Variants in ETV1 observed in about 807,000 individuals in gnomAD.
ETV1 encodes the protein ETS variant transcription factor 1, also known as ETS translocation variant 1.
ETV1 carries 27 observed loss-of-function variants against 62.3 expected under a neutral mutation model. That is an observed-to-expected ratio of 0.43 (90% CI 0.32 to 0.60). The LOEUF (loss-of-function observed/expected upper bound fraction) is 0.60, where lower values mean the gene tolerates loss of function less well. Ranked by LOEUF, ETV1 falls within the 20% of genes least tolerant of loss-of-function variation. The pLI is 0.06. For synonymous variants in ETV1, 222 were observed against 199.6 expected (o/e 1.11, Z -0.94); for missense variants, 605 against 605.8 (o/e 1.00, Z 0.01).
rs1215450716 is a variant in ETV1, at chr7:13,956,534, C to T, written c.236-17288G>A. 3.9e-5 allele frequency among the ~76,000 whole-genome samples: 6 copies of T among 152,258 alleles called. No individual in the cohort carries two copies. In the East Asian group the frequency reaches 1.2e-3, roughly 29 times the overall value. On this transcript the variant is annotated intron_variant, in intron 6 of 13. Transcript: ENST00000430479. ...GCAACATTCCAATGTATATTTTTTA[C>T]TTTGACTTGCTAACTGCAAATAAGG... is the stretch of plus-strand genomic sequence containing the variant.
intron 13 of ETV1, among the ~76,000 whole-genome samples, chr7:13,898,216 C>A (rs183320797): frequency 6.9e-4 from 105 of 152,106 alleles, no homozygotes; most frequent in Non-Finnish European, 1.2e-3. Flanking sequence ...TTAAGTATAG[C>A]CAAAATGCAA....
intron 6 of ETV1, among the ~76,000 whole-genome samples, chr7:13,973,664 G>A (rs542938851): frequency 4.6e-5 from 7 of 151,328 alleles, no homozygotes; most frequent in African/African-American, 7.3e-5. Context: ...TAAATTAGGC[G>A]ATTTCAGACT....
At chr7:13,900,642 C>G (rs1274835703) in intron 13 of ETV1, 96 bp downstream of exon 13, 5 of 833,260 alleles carry the variant, frequency 6.0e-6, no homozygotes, top group Non-Finnish European at 9.2e-6. Context: ...GTGAAAAACT[C>G]GCTTCAGCAA....
chr7:13,982,430 T>G (rs1407271636), intron 5 of ETV1, among the ~76,000 whole-genome samples: 2 of 152,064 alleles, frequency 1.3e-5, no homozygotes, highest in African/African-American at 4.8e-5. Flanking sequence ...ATCCTATTTT[T>G]CTATTTTTAA....
intron 6 of ETV1, among the ~76,000 whole-genome samples, chr7:13,973,218 C>T (rs954858171): frequency 1.3e-5 from 2 of 152,080 alleles, no homozygotes; most frequent in Non-Finnish European, 1.5e-5. Flanking sequence ...CTTCATTTAC[C>T]AAAGGACTAA....
At position 13,894,154 on chromosome 7, in the gene ETV1, A is replaced by AT. The variant is rs530800704; in HGVS notation, c.*1711dup. The AT allele has an allele frequency of 0.2, 43,454 of 216,344 alleles. 3,937 individuals carry two copies. The highest frequency in any genetic ancestry group is 0.35 in the African/African-American group (14,951 of 42,288). 13.4% of individuals were successfully genotyped at this position (216,344 alleles called of 1,614,324 possible). A position where few individuals can be genotyped will look rare whatever the true frequency, so the allele number is the denominator to read the frequency against. Reference sequence around the variant, plus strand: ...GGTTTATTTTGACTTTGTGTTTAGAATTTTTTTTTTTTTTTGCTTTTTGCT... The same window carrying AT: ...GGTTTATTTTGACTTTGTGTTTAGAATTTTTTTTTTTTTTTTGCTTTTTGCT... On this transcript the variant is annotated 3_prime_UTR_variant, in exon 14 of 14. Coordinates refer to ENST00000430479, the MANE Select transcript of ETV1 (RefSeq NM_004956.5).
At chr7:13,964,769 A>G (rs1340041990) in intron 6 of ETV1, among the ~76,000 whole-genome samples, 4 of 152,108 alleles carry the variant, frequency 2.6e-5, no homozygotes, top group Non-Finnish European at 5.9e-5. Context: ...TCTGATAAAG[A>G]AAAAAATCAC....
intron 11 of ETV1, among the ~76,000 whole-genome samples, chr7:13,907,448 C>A (rs760596455): frequency 1.3e-5 from 2 of 151,888 alleles, no homozygotes; most frequent in Non-Finnish European, 2.9e-5. Flanking sequence ...ATTTGATATT[C>A]ATATCTAGTG....
At chr7:13,988,282 G>C in intron 3 of ETV1, 109 bp from the exon 4 acceptor site, 1 of 684,946 alleles carries the variant, frequency 1.5e-6, no homozygotes, top group Non-Finnish European at 2.6e-6. Flanking sequence ...AAGTCTAATG[G>C]ATCTTCTCTG....
At chr7:13,954,327 G>A (rs568211337) in intron 6 of ETV1, among the ~76,000 whole-genome samples, 4 of 152,098 alleles carry the variant, frequency 2.6e-5, no homozygotes, top group African/African-American at 7.2e-5. Flanking sequence ...CATCTCACAC[G>A]GATTAGCATG....
chr7:13,944,944 G>A (rs139425980), intron 6 of ETV1, among the ~76,000 whole-genome samples: 1 of 152,096 alleles, frequency 6.6e-6, no homozygotes, highest in Admixed American at 6.5e-5. Flanking sequence ...TACCAGCCAA[G>A]GAATGCCAGA....
Position 13,892,582 on chromosome 7 carries a change from C to T in ETV1, c.*3284G>A, listed in dbSNP as rs1278243900. On this transcript the variant is annotated 3_prime_UTR_variant, in exon 14 of 14. Transcript: ENST00000430479. Reference sequence around the variant, plus strand: ...TCACCCCTTACATCCATGTCCTAATCCCTGGGACCTATGAATAATTATCTA... The same window carrying T: ...TCACCCCTTACATCCATGTCCTAATTCCTGGGACCTATGAATAATTATCTA... The T allele has an allele frequency of 8.6e-6, 2 of 232,556 alleles. No individual in the cohort carries two copies. Among genetic ancestry groups the T allele is most frequent in the African/African-American group, 4.4e-5 (2 of 45,298 alleles). The allele number at this position is 232,556 out of a possible 1,614,324, so 14.4% of individuals were successfully genotyped here.
At position 13,970,821 on chromosome 7, in the gene ETV1, G is replaced by A. The variant is rs183538747; in HGVS notation, c.235+6606C>T. On this transcript the variant is annotated intron_variant, in intron 6 of 13. Transcript: ENST00000430479. ...TTTTTCTGATCCTGGACAGGTACGT[G>A]TTAACACAAATTATTCAGTCAGGGT... Among the ~76,000 whole-genome samples the A allele has an allele frequency of 4.0e-3, 609 of 151,986 alleles. 2 individuals are homozygous for A. Among genetic ancestry groups the A allele is most frequent in the African/African-American group, 0.014 (581 of 41,450 alleles).
chr7:13,910,579 G>T (rs114845448), intron 10 of ETV1: 2 of 314,126 alleles, frequency 6.4e-6, no homozygotes, highest in South Asian at 1.3e-4. Context: ...CTAAAAGAAT[G>T]CATCCAAGTC....
chr7:13,931,304 T>C (rs879340489), intron 9 of ETV1, among the ~76,000 whole-genome samples, 198 bp downstream of exon 9: 2 of 152,222 alleles, frequency 1.3e-5, no homozygotes, highest in African/African-American at 2.4e-5. Flanking sequence ...CAGACACTAT[T>C]TCAACCATCA....
intron 13 of ETV1, 32 bp downstream of exon 13, chr7:13,900,706 C>T (rs951165812): frequency 7.1e-7 from 1 of 1,408,166 alleles, no homozygotes; most frequent in Admixed American, 1.9e-5. Flanking sequence ...TGCAACATTT[C>T]AATGAATTTT....
At chr7:13,959,481 A>T (rs1789898231) in intron 6 of ETV1, among the ~76,000 whole-genome samples, 1 of 152,194 alleles carries the variant, frequency 6.6e-6, no homozygotes, top group African/African-American at 2.4e-5. Flanking sequence ...ATTATATCCC[A>T]TATAAATAGA....
intron 6 of ETV1, among the ~76,000 whole-genome samples, chr7:13,974,004 T>G (rs1202133487): frequency 6.6e-6 from 1 of 152,194 alleles, no homozygotes; most frequent in Non-Finnish European, 1.5e-5. Context: ...CCATGCTGAA[T>G]GTGACGTGTT....
At chr7:13,959,292 T>C (rs973317543) in intron 6 of ETV1, among the ~76,000 whole-genome samples, 1 of 152,114 alleles carries the variant, frequency 6.6e-6, no homozygotes, top group Non-Finnish European at 1.5e-5. Context: ...TAGGAAGTAG[T>C]AGATGGGGCA....
Sources: gnomAD v4.1 joint callset for allele counts (sites outside exome capture counted in the v4.1 genomes callset) on GRCh38, gnomAD v4.1.1 for gene constraint, MANE v1.5 for transcripts, NCBI Gene and HGNC (gene_info 2026-07-23, HGNC 2026-07-21) for gene names.